The following PTK2 variants were observed in gnomAD, a reference collection of about 807,000 sequenced individuals.
The protein encoded by PTK2 is protein tyrosine kinase 2.
A neutral mutation model predicts 150.1 loss-of-function variants in PTK2; 45 were observed. The observed-to-expected ratio is 0.30, with a 90% CI of 0.24 to 0.38. The LOEUF (loss-of-function observed/expected upper bound fraction) is 0.38. PTK2 is among the 10% of genes least tolerant of loss of function. The probability of loss-of-function intolerance (pLI) is 1.00; values close to 1 mark genes in which losing one functional copy is unlikely to be tolerated. For missense variants in PTK2, 919 were observed against 1,307.3 expected, an observed-to-expected ratio of 0.70 and a Z score of 4.58; for synonymous variants, 432 against 449.2, an observed-to-expected ratio of 0.96 and a Z score of 0.48.
chr8:140,998,711 T>TG (rs1186941933), intron 1 of PTK2, among the ~76,000 whole-genome samples: 1 of 148,996 alleles, frequency 6.7e-6, no homozygotes, highest in African/African-American at 2.5e-5. Flanking sequence ...CCCAGCTACT[T>TG]GGGAGGCTGA....
chr8:140,924,012 G>T (rs915720188), intron 2 of PTK2, among the ~76,000 whole-genome samples: 2 of 152,082 alleles, frequency 1.3e-5, no homozygotes, highest in Non-Finnish European at 2.9e-5. Context: ...CTCATCAACA[G>T]TTCTCCAACT....
chr8:140,739,007 A>G lies in PTK2; in HGVS notation c.1825+11T>C, dbSNP rs2100054149. On this transcript the variant is annotated intron_variant, in intron 21 of 31. Coordinates refer to ENST00000522684, the Ensembl canonical transcript of PTK2. ...ATTTTTAAAGAATACAAAACTTTTA[A>G]GAGTACTCACCAAACATCCATACGT... The G allele has an allele frequency of 6.7e-7, 1 of 1,497,246 alleles. No homozygotes were observed. The highest frequency in any genetic ancestry group is 9.0e-7 in the Non-Finnish European group (1 of 1,114,732). 92.7% of individuals were successfully genotyped at this position (1,497,246 alleles called of 1,614,324 possible). A position where few individuals can be genotyped will look rare whatever the true frequency, so the allele number is the denominator to read the frequency against.
chr8:141,001,732 GCCCGCTGTCGGGCA>G (rs1174169305), upstream of PTK2, among the ~76,000 whole-genome samples: 1 of 152,182 alleles, frequency 6.6e-6, no homozygotes, highest in East Asian at 1.9e-4. Flanking sequence ...AGAGTTGGAC[GCCCGCTGTCGGGCA>G]CCCGCTGCGG....
chr8:140,921,040 T>G, intron 2 of PTK2: 2 of 1,302,800 alleles, frequency 1.5e-6, no homozygotes, highest in Non-Finnish European at 1.9e-6. Flanking sequence ...TTTCAGAGCT[T>G]GAAGCAAAAT....
At chr8:140,667,481 T>A (rs1425167350) in intron 30 of PTK2, among the ~76,000 whole-genome samples, 5 of 148,928 alleles carry the variant, frequency 3.4e-5, no homozygotes, top group Non-Finnish European at 7.4e-5. Flanking sequence ...TTTTTTTTTT[T>A]AAAGAGATGG....
At chr8:140,877,625 G>A (rs1387117881) in intron 4 of PTK2, among the ~76,000 whole-genome samples, 1 of 151,952 alleles carries the variant, frequency 6.6e-6, no homozygotes, top group Non-Finnish European at 1.5e-5. Flanking sequence ...CCCTGGCTCA[G>A]CCACTTATGA....
At chr8:140,947,470 C>T (rs533813771) in intron 1 of PTK2, among the ~76,000 whole-genome samples, 1 of 152,200 alleles carries the variant, frequency 6.6e-6, no homozygotes, top group African/African-American at 2.4e-5. Context: ...ACTAGCCACA[C>T]AGCAAACCAA....
rs377739494 is a variant in PTK2, at chr8:140,881,107, A to G, written c.196-1470T>C. Among the ~76,000 whole-genome samples the G allele has an allele frequency of 8.5e-5, 13 of 152,332 alleles. No homozygotes were observed. The East Asian group carries it at 1.3e-3, about 16-fold the overall frequency. On this transcript the variant is annotated intron_variant, in intron 3 of 31. Coordinates refer to ENST00000522684, the Ensembl canonical transcript of PTK2. ...TCATCAGGACAGGAAGGATGTTTGC[A>G]GCCTACAGACTCCTATGTGGAACTG... is the stretch of plus-strand genomic sequence containing the variant.
At chr8:140,718,887 T>A (rs1393396407) in intron 22 of PTK2, among the ~76,000 whole-genome samples, 1 of 152,142 alleles carries the variant, frequency 6.6e-6, no homozygotes, top group Non-Finnish European at 1.5e-5. Flanking sequence ...CAAGAAATGA[T>A]CACATCAGGA....
chr8:140,767,935 G>C (rs1044197547), intron 14 of PTK2, among the ~76,000 whole-genome samples: 14 of 152,096 alleles, frequency 9.2e-5, no homozygotes, highest in Non-Finnish European at 1.8e-4. Context: ...CCACATGTTA[G>C]TGTAACATAG....
chr8:140,731,753 G>GGGTGTGGT (rs1450471228), intron 22 of PTK2, among the ~76,000 whole-genome samples: 3 of 152,060 alleles, frequency 2.0e-5, no homozygotes, highest in Non-Finnish European at 1.5e-5. Flanking sequence ...AAAATTAGCT[G>GGGTGTGGT]GGTGTGGTGG....
chr8:140,807,934 G>A (rs1481979746), intron 10 of PTK2, among the ~76,000 whole-genome samples: 1 of 152,150 alleles, frequency 6.6e-6, no homozygotes, highest in Admixed American at 6.5e-5. Context: ...TGTCATCATT[G>A]GCAAGGCATT....
At chr8:140,826,750 A>C (rs1401353125) in intron 8 of PTK2, among the ~76,000 whole-genome samples, 2 of 152,016 alleles carry the variant, frequency 1.3e-5, no homozygotes, top group Admixed American at 6.5e-5. Flanking sequence ...CCGTGTCTCT[A>C]CAGAAAAAAA....
intron 2 of PTK2, among the ~76,000 whole-genome samples, chr8:140,894,239 A>G (rs1163695665): frequency 6.6e-6 from 1 of 152,168 alleles, no homozygotes; most frequent in African/African-American, 2.4e-5. Flanking sequence ...ATCTAAGTCC[A>G]CAGTCTGAAA....
chr8:140,754,559 A>C (rs1281346158), intron 16 of PTK2, among the ~76,000 whole-genome samples: 1 of 152,246 alleles, frequency 6.6e-6, no homozygotes. Context: ...CCTTAAAACC[A>C]TCATTAATCC....
chr8:140,726,082 A>G (rs1415063316), intron 22 of PTK2, among the ~76,000 whole-genome samples: 1 of 152,220 alleles, frequency 6.6e-6, no homozygotes, highest in Non-Finnish European at 1.5e-5. Flanking sequence ...AAAATACAGT[A>G]TATGAAATAA....
intron 5 of PTK2, among the ~76,000 whole-genome samples, chr8:140,858,775 C>T (rs571783046): frequency 2.0e-5 from 3 of 152,142 alleles, no homozygotes; most frequent in Non-Finnish European, 2.9e-5. Flanking sequence ...CAAACAATTA[C>T]AGAAGACACA....
intron 26 of PTK2, among the ~76,000 whole-genome samples, chr8:140,698,278 G>T (rs2100028064): frequency 6.6e-6 from 1 of 152,100 alleles, no homozygotes; most frequent in African/African-American, 2.4e-5. Context: ...AAGAACTCTA[G>T]TTTGGAGAAT....
intron 14 of PTK2, chr8:140,765,253 CT>C (rs1465527210): frequency 6.6e-6 from 1 of 152,178 alleles, no homozygotes; most frequent in African/African-American, 2.4e-5. Context: ...ACCTAGCATC[CT>C]TGTTTAACAC....
Sources: gnomAD v4.1 joint callset for allele counts (sites outside exome capture counted in the v4.1 genomes callset) on GRCh38, gnomAD v4.1.1 for gene constraint, MANE v1.5 for transcripts, NCBI Gene and HGNC (gene_info 2026-07-23, HGNC 2026-07-21) for gene names.